Variants in CORO2B observed in about 807,000 individuals in gnomAD.
CORO2B encodes the protein coronin-2B.
In CORO2B, 26 loss-of-function variants were observed where a neutral mutation model predicts 58.8. That is an observed-to-expected ratio of 0.44 (90% confidence interval 0.32 to 0.61). The LOEUF (loss-of-function observed/expected upper bound fraction) is 0.61. CORO2B is among the 20% of genes least tolerant of loss of function. The pLI, the probability that CORO2B is intolerant of heterozygous loss-of-function variation, is 0.04. For synonymous variants in CORO2B, 242 were observed against 253.8 expected (o/e 0.95, Z 0.44); for missense variants, 460 against 645.1 (o/e 0.71, Z 3.11).
intron 2 of CORO2B, among the ~76,000 whole-genome samples, chr15:68,669,066 A>G (rs897779114): frequency 4.8e-5 from 7 of 145,478 alleles, no homozygotes; most frequent in Non-Finnish European, 1.0e-4. Context: ...AAAGAAAGAG[A>G]GAAAGAGAGA....
intron 2 of CORO2B, among the ~76,000 whole-genome samples, chr15:68,684,741 A>G (rs1902906330): frequency 6.6e-6 from 1 of 152,224 alleles, no homozygotes. Context: ...TTATCTGGGT[A>G]ACACTAATTA....
intron 1 of CORO2B, among the ~76,000 whole-genome samples, chr15:68,608,115 T>C (rs1900167414): frequency 1.3e-5 from 2 of 152,354 alleles, no homozygotes; most frequent in South Asian, 4.1e-4. Flanking sequence ...TATCCCACCT[T>C]TCCTGCTACC....
chr15:68,622,314 G>A (rs1413126266), intron 1 of CORO2B, among the ~76,000 whole-genome samples: 2 of 152,184 alleles, frequency 1.3e-5, no homozygotes, highest in African/African-American at 4.8e-5. Flanking sequence ...TGACTGCAGT[G>A]TGAGGATGTG....
chr15:68,712,313 T>G (rs1448277611), intron 5 of CORO2B, among the ~76,000 whole-genome samples: 4 of 152,230 alleles, frequency 2.6e-5, no homozygotes, highest in African/African-American at 9.6e-5. Flanking sequence ...ATGCTTGATC[T>G]GGGTGTGTTT....
At chr15:68,600,562 A>G (rs769282468) in intron 1 of CORO2B, among the ~76,000 whole-genome samples, 3 of 151,826 alleles carry the variant, frequency 2.0e-5, no homozygotes, top group Non-Finnish European at 4.4e-5. Flanking sequence ...ACTCCGTCCC[A>G]CCCCCGGACC....
intron 1 of CORO2B, chr15:68,616,514 A>C: frequency 2.0e-6 from 2 of 985,076 alleles, no homozygotes; most frequent in Non-Finnish European, 2.4e-6. Flanking sequence ...CACTCCCTTA[A>C]AAGCAGGCAG....
intron 9 of CORO2B, 108 bp downstream of exon 9, chr15:68,718,918 C>T (rs1450593986): frequency 2.0e-6 from 2 of 987,348 alleles, no homozygotes; most frequent in Non-Finnish European, 1.6e-6. Flanking sequence ...GTGCTGTGAA[C>T]TGGGGTCTTC....
At chr15:68,605,947 A>G (rs1005897016) in intron 1 of CORO2B, among the ~76,000 whole-genome samples, 4 of 151,690 alleles carry the variant, frequency 2.6e-5, no homozygotes, top group Non-Finnish European at 4.4e-5. Context: ...GCAGGTCTCA[A>G]ACTCCTGAAC....
intron 6 of CORO2B, among the ~76,000 whole-genome samples, 174 bp downstream of exon 6, chr15:68,714,215 G>A (rs186873338): frequency 5.3e-4 from 81 of 152,272 alleles, no homozygotes; most frequent in Non-Finnish European, 1.0e-3. Flanking sequence ...AGGCTTCAAG[G>A]AACAATGTCG....
intron 2 of CORO2B, among the ~76,000 whole-genome samples, chr15:68,672,798 AC>A (rs1902447170): frequency 6.6e-6 from 1 of 152,080 alleles, no homozygotes; most frequent in Non-Finnish European, 1.5e-5. Context: ...TGAGGCAGGG[AC>A]CTGCCACCCC....
chr15:68,642,516 C>T (rs1258448868), intron 1 of CORO2B, among the ~76,000 whole-genome samples: 2 of 152,152 alleles, frequency 1.3e-5, no homozygotes, highest in Non-Finnish European at 2.9e-5. Context: ...CATCTGTCTC[C>T]CCACTAGGCT....
intron 1 of CORO2B, among the ~76,000 whole-genome samples, chr15:68,629,820 ATG>A (rs757594532): frequency 4.0e-5 from 6 of 151,004 alleles, no homozygotes; most frequent in African/African-American, 7.3e-5. Flanking sequence ...CTTAACCAGC[ATG>A]TGTGTGTGTG....
chr15:68,619,111 C>T (rs1021279124), intron 1 of CORO2B, among the ~76,000 whole-genome samples: 2 of 152,082 alleles, frequency 1.3e-5, no homozygotes, highest in African/African-American at 2.4e-5. Context: ...GGATATTGCT[C>T]ATATATCACA....
At chr15:68,723,330 C>G (rs1893211773) in intron 11 of CORO2B, among the ~76,000 whole-genome samples, 1 of 151,932 alleles carries the variant, frequency 6.6e-6, no homozygotes, top group South Asian at 2.1e-4. Context: ...CCATGTTGGC[C>G]AGGCTGGTCT....
chr15:68,693,625 G>A (rs1025311994), intron 2 of CORO2B, among the ~76,000 whole-genome samples: 13 of 152,140 alleles, frequency 8.5e-5, no homozygotes, highest in Admixed American at 7.2e-4. Context: ...CGCTAAACAT[G>A]GAACAGCTCT....
intron 1 of CORO2B, among the ~76,000 whole-genome samples, chr15:68,623,106 A>G (rs938998432): frequency 6.6e-6 from 1 of 152,202 alleles, no homozygotes; most frequent in African/African-American, 2.4e-5. Flanking sequence ...CAGAGGTTGC[A>G]GTGAGCCGAG....
chr15:68,664,790 A>ATGCT (rs1902136638), intron 2 of CORO2B, among the ~76,000 whole-genome samples: 1 of 152,346 alleles, frequency 6.6e-6, no homozygotes, highest in African/African-American at 2.4e-5. Flanking sequence ...ATATCGTCGT[A>ATGCT]TGCTTACAAT....
intron 2 of CORO2B, among the ~76,000 whole-genome samples, chr15:68,681,731 C>CT (rs1902794678): frequency 6.8e-6 from 1 of 146,848 alleles, no homozygotes; most frequent in East Asian, 1.9e-4. Flanking sequence ...GGGGAGCTGA[C>CT]TAAGTCAGGA....
At chr15:68,601,970 GGAAGGCA>G (rs944610385) in intron 1 of CORO2B, among the ~76,000 whole-genome samples, 2 of 151,996 alleles carry the variant, frequency 1.3e-5, no homozygotes. Context: ...CCAGCATGGC[GGAAGGCA>G]GAAGGCAGAA....
Sources: gnomAD v4.1 joint callset for allele counts (sites outside exome capture counted in the v4.1 genomes callset) on GRCh38, gnomAD v4.1.1 for gene constraint, MANE v1.5 for transcripts, NCBI Gene and HGNC (gene_info 2026-07-23, HGNC 2026-07-21) for gene names.